The following TENM3 variants were observed in gnomAD, a reference collection of about 807,000 sequenced individuals.
TENM3 encodes teneurin transmembrane protein 3.
TENM3 carries 63 observed loss-of-function variants against 255.1 expected under a neutral mutation model. That is an observed-to-expected ratio of 0.25 (90% CI 0.20 to 0.30). The LOEUF is 0.30. Ranked by LOEUF, TENM3 falls within the 10% of genes least tolerant of loss-of-function variation. The probability of loss-of-function intolerance (pLI) is 1.00; values close to 1 mark genes in which losing one functional copy is unlikely to be tolerated. For synonymous variants in TENM3, 1,306 were observed against 1,322.3 expected, an observed-to-expected ratio of 0.99 and a Z score of 0.27; for missense variants, 2,929 against 3,461.1, an observed-to-expected ratio of 0.85 and a Z score of 3.86.
the TENM3 span, among the ~76,000 whole-genome samples, chr4:182,082,651 C>T: frequency 7.2e-5 from 11 of 152,278 alleles, 1 homozygote; most frequent in South Asian, 4.1e-4. Flanking sequence ...GAGCTGCTAC[C>T]TTCCTATTGT....
At chr4:182,698,860 C>T (rs1035891014) in intron 12 of TENM3, among the ~76,000 whole-genome samples, 3 of 152,250 alleles carry the variant, frequency 2.0e-5, no homozygotes, top group Middle Eastern at 3.4e-3. Flanking sequence ...TTTTGGGAAA[C>T]GTTAGATGTG....
At chr4:182,479,306 C>T (rs1733970638) in intron 3 of TENM3, among the ~76,000 whole-genome samples, 2 of 151,930 alleles carry the variant, frequency 1.3e-5, no homozygotes, top group South Asian at 4.2e-4. Context: ...ATACCAAAGA[C>T]CACTTTTATG....
rs762667041 is a variant in TENM3, at chr4:182,673,177, T to G, written c.1284T>G (p.Ile428Met). 1.9e-6 allele frequency: 3 copies of G among 1,613,718 alleles called. No individual in the cohort carries two copies. The highest frequency in any genetic ancestry group is 2.5e-6 in the Non-Finnish European group (3 of 1,179,780). The change falls in exon 7 of 28, where the codon ATT (isoleucine) becomes ATG (methionine). Residue 428 changes from isoleucine (I) to methionine (M), a missense_variant. By Grantham distance (10) the Ile-to-Met change is conservative. Coordinates refer to ENST00000511685, the MANE Select transcript of TENM3 (RefSeq NM_001080477.4). ...TCTCTCTTCAGAAGGATGCATTGAT[T>G]GGAGTATATGGCCGGAAAGGCTTAC... ...FNISLQKDALIGVYGRKGLPP... is the reference protein window; with the variant it reads ...FNISLQKDALMGVYGRKGLPP...
At chr4:182,332,034 G>T (rs1382955723) in intron 2 of TENM3, among the ~76,000 whole-genome samples, 2 of 152,024 alleles carry the variant, frequency 1.3e-5, no homozygotes, top group Non-Finnish European at 2.9e-5. Flanking sequence ...TGTCAGAAAT[G>T]ATACAATTTT....
intron 1 of TENM3, among the ~76,000 whole-genome samples, chr4:182,220,582 T>A (rs2249112): frequency 6.6e-6 from 1 of 151,796 alleles, no homozygotes; most frequent in African/African-American, 2.4e-5. Context: ...TCCGTGGCCC[T>A]GTAGATTGAT....
chr4:182,693,994 A>G (rs1757198170), intron 12 of TENM3, among the ~76,000 whole-genome samples: 1 of 152,338 alleles, frequency 6.6e-6, no homozygotes, highest in East Asian at 1.9e-4. Context: ...AGTTAATGAC[A>G]TTTGCATTTT....
At chr4:182,100,608 C>CACACATATAT in the TENM3 span, among the ~76,000 whole-genome samples, 1 of 91,992 alleles carries the variant, frequency 1.1e-5, no homozygotes, top group Non-Finnish European at 2.2e-5. Context: ...CACATATATA[C>CACACATATAT]ACACATATAT....
rs1765941700 is a variant in TENM3, at chr4:182,789,541, A to G, written c.5601+152A>G. Among the ~76,000 whole-genome samples, 1 of 152,246 alleles carries G rather than the reference A, an allele frequency of 6.6e-6. No homozygotes were observed. Among genetic ancestry groups the G allele is most frequent in the South Asian group, 2.1e-4 (1 of 4,830 alleles). Reference sequence around the variant, plus strand: ...AATACGGAAGTCACATTGGCACAGCAGTGATGAATTTCTGCATTAGCAAAG... The same window carrying G: ...AATACGGAAGTCACATTGGCACAGCGGTGATGAATTTCTGCATTAGCAAAG... On this transcript the variant is annotated intron_variant, in intron 25 of 27. Transcript: ENST00000511685. The surrounding 1 kb of genome is among the most constrained non-coding windows in gnomAD (Gnocchi z 4.4).
chr4:182,032,783 G>T, the TENM3 span, among the ~76,000 whole-genome samples: 1 of 152,072 alleles, frequency 6.6e-6, no homozygotes, highest in Non-Finnish European at 1.5e-5. Flanking sequence ...GTCTTGGGAG[G>T]TGTATGTGTC....
At chr4:182,014,586 A>G in the TENM3 span, among the ~76,000 whole-genome samples, 6 of 134,488 alleles carry the variant, frequency 4.5e-5, no homozygotes, top group East Asian at 1.3e-3. Context: ...GGCCCCTCCT[A>G]TGAGTCTGTC....
intron 1 of TENM3, among the ~76,000 whole-genome samples, chr4:182,244,075 T>G: frequency 6.9e-6 from 1 of 143,986 alleles, no homozygotes; most frequent in South Asian, 2.4e-4. Context: ...TGCCTCAGCC[T>G]CCCGAGTAGC....
At chr4:181,639,406 G>A in the TENM3 span, among the ~76,000 whole-genome samples, 92 of 152,270 alleles carry the variant, frequency 6.0e-4, no homozygotes, top group African/African-American at 2.1e-3. Flanking sequence ...ACTCCCTGCA[G>A]CACTATGTCA....
chr4:182,166,076 C>A (rs1751696738), intron 1 of TENM3, among the ~76,000 whole-genome samples: 1 of 152,196 alleles, frequency 6.6e-6, no homozygotes, highest in Non-Finnish European at 1.5e-5. Flanking sequence ...CCGCACCCGG[C>A]CTGTAAAAGC....
chr4:182,255,757 A>G (rs545202685), intron 1 of TENM3, among the ~76,000 whole-genome samples: 1 of 152,322 alleles, frequency 6.6e-6, no homozygotes, highest in African/African-American at 2.4e-5. Flanking sequence ...AATTAGAGTG[A>G]TCAAGACTAG....
rs367713400 is a variant in TENM3 at position 182,272,144 on chromosome 4, C to A, written c.-76+28668C>A. On this transcript the variant is annotated intron_variant, in intron 1 of 27. Coordinates refer to ENST00000511685, the MANE Select transcript of TENM3 (RefSeq NM_001080477.4). Reference sequence around the variant, plus strand: ...GGTATAGATGTCTTATTTATTGAGTCGACGTATTTTTGCAAAGGTTCCGTA... The same window carrying A: ...GGTATAGATGTCTTATTTATTGAGTAGACGTATTTTTGCAAAGGTTCCGTA... Among the ~76,000 whole-genome samples the A allele has an allele frequency of 7.2e-5, 11 of 152,242 alleles. No homozygotes were observed. In the South Asian group the frequency reaches 2.3e-3, roughly 32 times the overall value.
chr4:181,760,969 TACAC>T, the TENM3 span, among the ~76,000 whole-genome samples: 3,990 of 50,602 alleles, frequency 0.079, 89 homozygotes, highest in Non-Finnish European at 0.11. Context: ...ACCACACACA[TACAC>T]ACACACACAC....
chr4:182,356,757 T>C lies in TENM3; in HGVS notation c.511+9828T>C, dbSNP rs191863604. Among the ~76,000 whole-genome samples, 919 of 152,094 alleles carry C rather than the reference T, an allele frequency of 6.0e-3. 3 individuals carry two copies. Among genetic ancestry groups the C allele is most frequent in the Admixed American group, 9.8e-3 (150 of 15,262 alleles). ...TATACTTTAAGTTTTAGGGTACATG[T>C]GCACAATGTGCAGGTTAGCTACATA... On this transcript the variant is annotated intron_variant, in intron 3 of 27. Transcript: ENST00000511685.
intron 3 of TENM3, among the ~76,000 whole-genome samples, chr4:182,357,685 G>C (rs1269288383): frequency 6.6e-6 from 1 of 150,700 alleles, no homozygotes; most frequent in African/African-American, 2.4e-5. Flanking sequence ...CACTCTGATG[G>C]TAGTTTCTTT....
chr4:182,753,576 C>T lies in TENM3; in HGVS notation c.3989C>T (p.Thr1330Ile), dbSNP rs1762519816. 1.2e-6 allele frequency: 2 copies of T among 1,613,950 alleles called. No homozygotes were observed. ...GATTTGACTTCAGCCAGACCTTTAA[C>T]TTGTGACACCAGCATGCACATCAGC... ...SNDLTSARPL[T>I]CDTSMHISQV... Residue 1330 changes from threonine to isoleucine, a missense_variant, in exon 21 of 28, where the codon ACT becomes ATT. Thr to Ile is a moderately conservative substitution (Grantham distance 89). Around this residue, in one of 6 missense-constraint regions of TENM3, gnomAD observed 1,608 missense variants for 1,884.4 expected, o/e 0.85. Transcript: ENST00000511685.
Sources: gnomAD v4.1 joint callset for allele counts (sites outside exome capture counted in the v4.1 genomes callset) on GRCh38, gnomAD v4.1.1 for gene constraint, gnomAD v4.1.1 regional missense constraint, Gnocchi (gnomAD v3.1) non-coding constraint, MANE v1.5 for transcripts, NCBI Gene and HGNC (gene_info 2026-07-23, HGNC 2026-07-21) for gene names.